Variants in JMJD1C observed in about 807,000 individuals in gnomAD.
The protein encoded by JMJD1C is jumonji domain-containing protein 1C.
A neutral mutation model predicts 245.3 loss-of-function variants in JMJD1C; 31 were observed. The ratio of observed to expected loss-of-function variants is 0.13; its 90% CI spans 0.09 to 0.17. The LOEUF is 0.17. JMJD1C is among the 10% of genes least tolerant of loss of function. The probability of loss-of-function intolerance (pLI) is 1.00; values close to 1 mark genes in which losing one functional copy is unlikely to be tolerated. For missense variants in JMJD1C, 2,691 were observed against 3,000.2 expected (o/e 0.90, Z 2.41); for synonymous variants, 1,057 against 1,017.4 (o/e 1.04, Z -0.74).
chr10:63,229,609 A>T (rs1589223564), intron 3 of JMJD1C, among the ~76,000 whole-genome samples: 1 of 152,168 alleles, frequency 6.6e-6, no homozygotes, highest in East Asian at 1.9e-4. Flanking sequence ...TGAAAGGAGT[A>T]AATATAATAA....
At chr10:63,232,556 C>T (rs1290285612) in intron 3 of JMJD1C, among the ~76,000 whole-genome samples, 1 of 152,120 alleles carries the variant, frequency 6.6e-6, no homozygotes, top group Non-Finnish European at 1.5e-5. Flanking sequence ...AAGAAATCTA[C>T]CTAGAAGTTT....
chr10:63,183,765 A>C (rs139158662), intron 21 of JMJD1C, among the ~76,000 whole-genome samples, 196 bp from the exon 22 acceptor site: 1 of 152,344 alleles, frequency 6.6e-6, no homozygotes, highest in East Asian at 1.9e-4. Context: ...TTCTATAATA[A>C]AATGTACTAT....
intron 1 of JMJD1C, among the ~76,000 whole-genome samples, chr10:63,500,235 A>G (rs1229165014): frequency 6.6e-6 from 1 of 152,134 alleles, no homozygotes; most frequent in Non-Finnish European, 1.5e-5. Context: ...CAGCTTGGGT[A>G]ACATGGTGAT....
intron 2 of JMJD1C, among the ~76,000 whole-genome samples, chr10:63,320,141 A>G (rs768061159): frequency 3.3e-5 from 5 of 152,176 alleles, no homozygotes; most frequent in Non-Finnish European, 7.3e-5. Flanking sequence ...CCTGGCTTCA[A>G]GTGATTCGCC....
At chr10:63,298,669 CAACCCGTAA>C (rs1859712311) in intron 2 of JMJD1C, among the ~76,000 whole-genome samples, 1 of 152,162 alleles carries the variant, frequency 6.6e-6, no homozygotes. Flanking sequence ...GAAAACATTT[CAACCCGTAA>C]CATATCTATT....
At chr10:63,382,525 T>A (rs960488736) in intron 1 of JMJD1C, among the ~76,000 whole-genome samples, 1 of 151,834 alleles carries the variant, frequency 6.6e-6, no homozygotes, top group African/African-American at 2.4e-5. Flanking sequence ...TGCAACAAAC[T>A]AGGAACAGGA....
chr10:63,319,227 A>C (rs2134096881), intron 2 of JMJD1C, among the ~76,000 whole-genome samples: 1 of 145,130 alleles, frequency 6.9e-6, no homozygotes, highest in South Asian at 2.3e-4. Flanking sequence ...ACTGCACTCC[A>C]GCCTGGGCGA....
chr10:63,221,907 AGATGG>A (rs1235365695), intron 3 of JMJD1C, among the ~76,000 whole-genome samples: 1 of 152,134 alleles, frequency 6.6e-6, no homozygotes, highest in Non-Finnish European at 1.5e-5. Flanking sequence ...TTTTTAGTAG[AGATGG>A]GGTTTCATCA....
chr10:63,272,034 C>T (rs1026532841), intron 2 of JMJD1C, among the ~76,000 whole-genome samples: 7 of 149,442 alleles, frequency 4.7e-5, no homozygotes, highest in African/African-American at 1.7e-4. Flanking sequence ...GATCATACCA[C>T]TGCACTCTGG....
chr10:63,468,849 T>C (rs1953399933), upstream of JMJD1C, among the ~76,000 whole-genome samples: 1 of 152,224 alleles, frequency 6.6e-6, no homozygotes, highest in African/African-American at 2.4e-5. Context: ...GATGATGGCA[T>C]GTGTCTGTTG....
chr10:63,496,397 A>G (rs1033393683), intron 1 of JMJD1C, among the ~76,000 whole-genome samples: 2 of 152,194 alleles, frequency 1.3e-5, no homozygotes, highest in African/African-American at 2.4e-5. Context: ...GAAATATAGA[A>G]ACTACCTAGG....
At chr10:63,433,092 TATC>T (rs1950859060) in intron 1 of JMJD1C, among the ~76,000 whole-genome samples, 1 of 151,440 alleles carries the variant, frequency 6.6e-6, no homozygotes, top group Admixed American at 6.6e-5. Flanking sequence ...ATTTTATTAT[TATC>T]ATTTTTTTTT....
chr10:63,287,560 A>T (rs1858140074), intron 2 of JMJD1C, among the ~76,000 whole-genome samples: 1 of 152,230 alleles, frequency 6.6e-6, no homozygotes, highest in African/African-American at 2.4e-5. Context: ...GGCTAAAAGA[A>T]ATAGAAATGT....
chr10:63,343,842 G>A (rs757822673), intron 2 of JMJD1C, among the ~76,000 whole-genome samples: 13 of 152,008 alleles, frequency 8.6e-5, no homozygotes, highest in East Asian at 1.9e-4. Context: ...GTTCAAGACC[G>A]GCCTGGGTAA....
chr10:63,499,866 C>T (rs1954486483), intron 1 of JMJD1C, among the ~76,000 whole-genome samples: 1 of 152,140 alleles, frequency 6.6e-6, no homozygotes, highest in East Asian at 1.9e-4. Flanking sequence ...TTGAATAAAT[C>T]CTTTTGTTTT....
rs1564870785 is a variant in JMJD1C, at chr10:63,392,880, ACAC to A, written c.169-12401_169-12399del. Among the ~76,000 whole-genome samples the A allele has an allele frequency of 2.8e-3, 418 of 148,812 alleles. 1 individual carries two copies. Among genetic ancestry groups the A allele is most frequent in the Non-Finnish European group, 4.5e-3 (305 of 67,114 alleles). On this transcript the variant is annotated intron_variant, in intron 1 of 25. Coordinates refer to ENST00000399262, the MANE Select transcript of JMJD1C (RefSeq NM_032776.3). ...AAAAAGTACATAAACACACACACACACACACACACACACACACACACACACACA... is the reference window on the plus strand; with the variant it reads ...AAAAAGTACATAAACACACACACACAACACACACACACACACACACACACA...
chr10:63,389,311 C>CAA (rs1185397734), intron 1 of JMJD1C, among the ~76,000 whole-genome samples: 1,453 of 63,754 alleles, frequency 0.023, 62 homozygotes, highest in African/African-American at 0.033. Context: ...GACCCTGTCT[C>CAA]AAAAAAAAAA....
intron 1 of JMJD1C, among the ~76,000 whole-genome samples, chr10:63,487,254 A>G (rs1297448085): frequency 1.3e-5 from 2 of 152,158 alleles, no homozygotes; most frequent in Non-Finnish European, 2.9e-5. Context: ...CAAAATATGG[A>G]TTTATAGTGA....
At chr10:63,505,924 G>A (rs76751925) in intron 1 of JMJD1C, among the ~76,000 whole-genome samples, 3,636 of 130,222 alleles carry the variant, frequency 0.028, 105 homozygotes, top group African/African-American at 0.072. Context: ...GAAGGCAAAC[G>A]TGTACAATTT....
Sources: allele counts gnomAD v4.1 joint callset (sites outside exome capture counted in the v4.1 genomes callset), GRCh38; gene constraint gnomAD v4.1.1; transcripts MANE v1.5; gene names NCBI Gene and HGNC (gene_info 2026-07-23, HGNC 2026-07-21).